Variants in RNGTT observed in about 807,000 individuals in gnomAD.
RNGTT encodes the protein RNA guanylyltransferase and 5'-phosphatase.
RNGTT carries 33 observed loss-of-function variants against 79.3 expected under a neutral mutation model. The ratio of observed to expected loss-of-function variants is 0.42; its 90% confidence interval spans 0.32 to 0.56. RNGTT has a LOEUF of 0.56. Ranked by LOEUF, RNGTT falls within the 20% of genes least tolerant of loss-of-function variation. The probability of loss-of-function intolerance (pLI) is 0.17; values close to 1 mark genes in which losing one functional copy is unlikely to be tolerated. For missense variants in RNGTT, 497 were observed against 739.1 expected (o/e 0.67, Z 3.80); for synonymous variants, 222 against 235.9 (o/e 0.94, Z 0.54).
intron 14 of RNGTT, among the ~76,000 whole-genome samples, chr6:88,659,862 A>G (rs1774117485): frequency 6.6e-6 from 1 of 152,232 alleles, no homozygotes. Context: ...CAGGTTATCT[A>G]AAGTCAAGAT....
chr6:88,930,044 A>ATATACATATTCATGTATATGCATATG (rs1784455282), intron 2 of RNGTT, among the ~76,000 whole-genome samples: 1 of 143,652 alleles, frequency 7.0e-6, no homozygotes, highest in African/African-American at 2.6e-5. Flanking sequence ...ATATATGCAT[A>ATATACATATTCATGTATATGCATATG]TATACATATA....
intron 4 of RNGTT, among the ~76,000 whole-genome samples, chr6:88,923,532 A>G (rs939449533): frequency 2.0e-5 from 3 of 152,166 alleles, no homozygotes; most frequent in African/African-American, 7.2e-5. Context: ...CCAAGAAGGA[A>G]AAGTTTATTG....
intron 14 of RNGTT, among the ~76,000 whole-genome samples, chr6:88,644,223 C>A (rs1208853452): frequency 6.6e-6 from 1 of 152,150 alleles, no homozygotes; most frequent in Non-Finnish European, 1.5e-5. Context: ...ACTATAAATA[C>A]CTCTATGAAA....
At position 88,671,300 on chromosome 6, in the gene RNGTT, T is replaced by C. The variant is rs536212948; in HGVS notation, c.1506+7053A>G. 2.3e-3 allele frequency among the ~76,000 whole-genome samples: 351 copies of C among 152,320 alleles called. 3 individuals carry two copies. The highest frequency in any genetic ancestry group is 0.01 in the Middle Eastern group (3 of 294). On this transcript the variant is annotated intron_variant, in intron 14 of 15. Transcript: ENST00000369485. Reference sequence around the variant, plus strand: ...TGTACACAAATCAGTAGCACTGCTATACACCAACAGTGACCAAGCTGAGAA... The same window carrying C: ...TGTACACAAATCAGTAGCACTGCTACACACCAACAGTGACCAAGCTGAGAA...
In RNGTT at chr6:88,904,922, G is replaced by A; in HGVS notation, c.477C>T (p.Ala159=). 4.3e-6 allele frequency: 7 copies of A among 1,613,998 alleles called. No individual in the cohort carries two copies. Among genetic ancestry groups the A allele is most frequent in the Non-Finnish European group, 5.9e-6 (7 of 1,179,992 alleles). Residue 159 remains alanine (A), a synonymous_variant, in exon 6 of 16, where the codon GCC becomes GCT. Coordinates refer to ENST00000369485, the MANE Select transcript of RNGTT (RefSeq NM_003800.5). ...IEAAVATFAQ[A]RPPGIYKGDY... is the part of the protein sequence containing the mutation. ...CACCCTTGTAGATTCCTGGTGGTCT[G>A]GCTTGGGCAAAAGTAGCAACTGCTG...
chr6:88,855,130 C>T (rs1377193762), intron 8 of RNGTT, among the ~76,000 whole-genome samples: 1 of 152,076 alleles, frequency 6.6e-6, no homozygotes, highest in Non-Finnish European at 1.5e-5. Context: ...AGAACACTGA[C>T]CAGACTGCCC....
intron 2 of RNGTT, among the ~76,000 whole-genome samples, chr6:88,936,827 T>C (rs1784680313): frequency 6.6e-6 from 1 of 152,216 alleles, no homozygotes; most frequent in Non-Finnish European, 1.5e-5. Context: ...ATTTGAGGAT[T>C]GGTGTTAGTT....
intron 13 of RNGTT, among the ~76,000 whole-genome samples, chr6:88,729,113 C>T (rs1359774754): frequency 6.6e-6 from 1 of 152,156 alleles, no homozygotes; most frequent in East Asian, 1.9e-4. Context: ...TGCGGGTCAG[C>T]CCTGAGGGCC....
chr6:88,687,388 T>A (rs1415428366), intron 13 of RNGTT, among the ~76,000 whole-genome samples: 1 of 152,182 alleles, frequency 6.6e-6, no homozygotes, highest in Non-Finnish European at 1.5e-5. Flanking sequence ...AAACTACACA[T>A]GCACTTAGCT....
intron 13 of RNGTT, among the ~76,000 whole-genome samples, chr6:88,681,682 CAGAGT>C (rs1775100769): frequency 6.6e-6 from 1 of 152,068 alleles, no homozygotes; most frequent in Non-Finnish European, 1.5e-5. Context: ...TTTAAATTCC[CAGAGT>C]AAAGCATTAA....
At chr6:88,735,019 G>A (rs1469462763) in intron 13 of RNGTT, among the ~76,000 whole-genome samples, 1 of 152,112 alleles carries the variant, frequency 6.6e-6, no homozygotes, top group African/African-American at 2.4e-5. Context: ...ACCATAAGCT[G>A]AGGAGCATCT....
intron 12 of RNGTT, among the ~76,000 whole-genome samples, chr6:88,783,009 G>C (rs1047699323): frequency 1.3e-5 from 2 of 152,086 alleles, no homozygotes; most frequent in Non-Finnish European, 2.9e-5. Flanking sequence ...ATTAAAGACA[G>C]AACCACCCTA....
chr6:88,629,497 A>C (rs935939227), intron 14 of RNGTT, among the ~76,000 whole-genome samples: 3 of 152,104 alleles, frequency 2.0e-5, no homozygotes, highest in Non-Finnish European at 4.4e-5. Context: ...AATCACATTA[A>C]ATTTCTCATT....
intron 14 of RNGTT, among the ~76,000 whole-genome samples, chr6:88,634,088 A>G (rs1205823968): frequency 6.6e-6 from 1 of 152,186 alleles, no homozygotes; most frequent in Non-Finnish European, 1.5e-5. Context: ...TAAATGCATC[A>G]TTCCCTTTTG....
chr6:88,862,457 C>T (rs1429875948), intron 8 of RNGTT, among the ~76,000 whole-genome samples: 2 of 152,204 alleles, frequency 1.3e-5, no homozygotes, highest in African/African-American at 4.8e-5. Context: ...GAAAGCTCTG[C>T]ACTCTTTTCC....
chr6:88,824,090 C>T (rs1159756240), intron 11 of RNGTT, among the ~76,000 whole-genome samples: 3 of 152,034 alleles, frequency 2.0e-5, no homozygotes, highest in African/African-American at 7.2e-5. Flanking sequence ...CACAAAAATC[C>T]TACATACCAG....
chr6:88,647,633 G>C (rs899429611), intron 14 of RNGTT, among the ~76,000 whole-genome samples: 1 of 147,254 alleles, frequency 6.8e-6, no homozygotes, highest in African/African-American at 2.6e-5. Context: ...GATCACTTGA[G>C]CCTGAAAGTT....
At chr6:88,818,500 G>A (rs111442773) in intron 11 of RNGTT, among the ~76,000 whole-genome samples, 9 of 152,250 alleles carry the variant, frequency 5.9e-5, no homozygotes, top group Admixed American at 4.6e-4. Context: ...GCTTGAACCC[G>A]GGAGGCAGAG....
intron 13 of RNGTT, among the ~76,000 whole-genome samples, chr6:88,726,084 A>G (rs544832166): frequency 6.6e-6 from 1 of 152,306 alleles, no homozygotes; most frequent in Non-Finnish European, 1.5e-5. Context: ...AGTGTATCCT[A>G]TTCCTTTAAA....
Sources: allele counts gnomAD v4.1 joint callset (sites outside exome capture counted in the v4.1 genomes callset), GRCh38; gene constraint gnomAD v4.1.1; transcripts MANE v1.5; gene names NCBI Gene and HGNC (gene_info 2026-07-23, HGNC 2026-07-21).